PLXDC2: variants seen among roughly 807,000 people sequenced by gnomAD.
The protein encoded by PLXDC2 is plexin domain containing 2, also known as plexin domain-containing protein 2.
A neutral mutation model predicts 68.9 loss-of-function variants in PLXDC2; 40 were observed. The observed-to-expected ratio is 0.58, with a 90% CI of 0.45 to 0.76. The LOEUF (loss-of-function observed/expected upper bound fraction) is 0.76, where lower values mean the gene tolerates loss of function less well. Among genes scored for constraint, PLXDC2 ranks in the 30% least tolerant of loss-of-function variants. The pLI is 0.00. For missense variants in PLXDC2, 644 were observed against 661.9 expected, an observed-to-expected ratio of 0.97 and a Z score of 0.30; for synonymous variants, 243 against 234.2, an observed-to-expected ratio of 1.04 and a Z score of -0.34.
intron 2 of PLXDC2, among the ~76,000 whole-genome samples, chr10:20,009,868 A>G (rs1451816932): frequency 6.6e-6 from 1 of 151,830 alleles, no homozygotes; most frequent in Non-Finnish European, 1.5e-5. Flanking sequence ...CAGAAAGGCA[A>G]GTTTGCAATG....
At chr10:20,080,552 T>A (rs11011784) in intron 4 of PLXDC2, among the ~76,000 whole-genome samples, 45,342 of 151,988 alleles carry the variant, frequency 0.3, 6,900 homozygotes, top group South Asian at 0.38. Context: ...CATCCAGCAT[T>A]GGAGAAAGAT....
At chr10:19,941,279 C>G (rs1833814817) in intron 1 of PLXDC2, among the ~76,000 whole-genome samples, 1 of 152,014 alleles carries the variant, frequency 6.6e-6, no homozygotes, top group African/African-American at 2.4e-5. Context: ...ATGATGCTAC[C>G]CTCCCACACA....
intron 4 of PLXDC2, among the ~76,000 whole-genome samples, chr10:20,090,787 A>G (rs1833265711): frequency 6.6e-6 from 1 of 152,194 alleles, no homozygotes; most frequent in Non-Finnish European, 1.5e-5. Flanking sequence ...GAAAATAATT[A>G]CCCCACAAAA....
chr10:19,994,774 G>T (rs190673427), intron 1 of PLXDC2, among the ~76,000 whole-genome samples: 1 of 150,324 alleles, frequency 6.7e-6, no homozygotes, highest in African/African-American at 2.4e-5. Flanking sequence ...ACAGAGTCTC[G>T]CTCTGTTACC....
intron 3 of PLXDC2, among the ~76,000 whole-genome samples, chr10:20,051,471 A>G (rs916828874): frequency 6.8e-6 from 1 of 146,026 alleles, no homozygotes; most frequent in Non-Finnish European, 1.5e-5. Context: ...TTGTATCTCA[A>G]GATGCAATAT....
intron 1 of PLXDC2, among the ~76,000 whole-genome samples, chr10:19,933,470 G>A (rs950937588): frequency 2.0e-5 from 3 of 151,696 alleles, no homozygotes; most frequent in Non-Finnish European, 2.9e-5. Flanking sequence ...CCCATCTCTC[G>A]TAAAAATACA....
At chr10:20,260,993 T>C (rs1365703394) in intron 13 of PLXDC2, among the ~76,000 whole-genome samples, 2 of 152,198 alleles carry the variant, frequency 1.3e-5, no homozygotes, top group South Asian at 4.1e-4. Flanking sequence ...TGTGACTTCA[T>C]TGGAGAAATG....
At chr10:20,017,298 G>A (rs1589588346) in intron 2 of PLXDC2, among the ~76,000 whole-genome samples, 1 of 152,106 alleles carries the variant, frequency 6.6e-6, no homozygotes, top group Non-Finnish European at 1.5e-5. Flanking sequence ...AAGGGAACAA[G>A]GCTGATCAAA....
chr10:20,184,701 A>G lies in PLXDC2; in HGVS notation c.1061+7292A>G, dbSNP rs529230428. Among the ~76,000 whole-genome samples the G allele has an allele frequency of 7.2e-5, 11 of 152,014 alleles. No individual in the cohort carries two copies. The East Asian group carries it at 2.1e-3, about 30-fold the overall frequency. ...GTTCAACCAATCCAACCTTTCCCAA[A>G]TCACTAATCTTTTGCTTCTGAATGA... On this transcript the variant is annotated intron_variant, in intron 9 of 13. Transcript: ENST00000377252.
chr10:20,189,651 C>A (rs1834738118), intron 9 of PLXDC2, among the ~76,000 whole-genome samples: 1 of 149,840 alleles, frequency 6.7e-6, no homozygotes, highest in African/African-American at 2.4e-5. Flanking sequence ...ATTATCAGTG[C>A]CGAATCTATA....
At chr10:20,134,884 A>G (rs1056900823) in intron 4 of PLXDC2, among the ~76,000 whole-genome samples, 1 of 152,102 alleles carries the variant, frequency 6.6e-6, no homozygotes, top group Admixed American at 6.6e-5. Context: ...GGGATGGGCC[A>G]GTGTTGGGGT....
intron 2 of PLXDC2, among the ~76,000 whole-genome samples, chr10:20,044,211 G>GCCTTTCTT: frequency 2.9e-5 from 2 of 68,594 alleles, no homozygotes; most frequent in South Asian, 1.2e-3. Context: ...CTCTCTCTCT[G>GCCTTTCTT]TCTTTCTTTC....
At chr10:20,065,361 A>G (rs1172345344) in intron 3 of PLXDC2, among the ~76,000 whole-genome samples, 2 of 152,040 alleles carry the variant, frequency 1.3e-5, no homozygotes, top group African/African-American at 4.8e-5. Flanking sequence ...TGTTGGTGTG[A>G]CTCTCAGTGA....
intron 12 of PLXDC2, among the ~76,000 whole-genome samples, chr10:20,219,392 G>T (rs1187761187): frequency 2.6e-5 from 4 of 152,038 alleles, no homozygotes; most frequent in Non-Finnish European, 5.9e-5. Flanking sequence ...GTATTATAGT[G>T]GTGTGTAGTT....
intron 4 of PLXDC2, among the ~76,000 whole-genome samples, chr10:20,126,543 C>T (rs187601711): frequency 0.07 from 238 of 3,388 alleles, 73 homozygotes; most frequent in Middle Eastern, 0.25. Context: ...ATAACACACA[C>T]GTTATATATG....
At chr10:19,822,730 G>A (rs1339662167) in intron 1 of PLXDC2, among the ~76,000 whole-genome samples, 2 of 152,112 alleles carry the variant, frequency 1.3e-5, no homozygotes, top group African/African-American at 4.8e-5. Context: ...CTAATGATTA[G>A]TGATGTTGAG....
At chr10:19,879,070 T>C (rs1837683291) in intron 1 of PLXDC2, among the ~76,000 whole-genome samples, 2 of 152,210 alleles carry the variant, frequency 1.3e-5, no homozygotes, top group African/African-American at 4.8e-5. Flanking sequence ...TCTGCCTGTA[T>C]CATTAGCCAG....
At chr10:19,987,863 C>T (rs1834675473) in intron 1 of PLXDC2, among the ~76,000 whole-genome samples, 2 of 152,082 alleles carry the variant, frequency 1.3e-5, no homozygotes, top group Non-Finnish European at 2.9e-5. Context: ...CTACCGCGCC[C>T]AGCCGATGTT....
chr10:19,922,391 A>G (rs1423545848), intron 1 of PLXDC2, among the ~76,000 whole-genome samples: 2 of 152,138 alleles, frequency 1.3e-5, no homozygotes, highest in Non-Finnish European at 2.9e-5. Context: ...GCAGTGAGAC[A>G]CACATCAGTG....
Sources: gnomAD v4.1 joint callset for allele counts (sites outside exome capture counted in the v4.1 genomes callset) on GRCh38, gnomAD v4.1.1 for gene constraint, MANE v1.5 for transcripts, NCBI Gene and HGNC (gene_info 2026-07-23, HGNC 2026-07-21) for gene names.